ROBO1: variants seen among roughly 807,000 people sequenced by gnomAD.
ROBO1 encodes the protein roundabout homolog 1.
ROBO1 carries 149 observed loss-of-function variants against 195.9 expected under a neutral mutation model. That is an observed-to-expected ratio of 0.76 (90% CI 0.67 to 0.87). The LOEUF is 0.87. ROBO1 is among the 40% of genes least tolerant of loss of function. The probability of loss-of-function intolerance (pLI) is 0.00; values close to 1 mark genes in which losing one functional copy is unlikely to be tolerated. For missense variants in ROBO1, 1,933 were observed against 2,068.3 expected (o/e 0.93, Z 1.27); for synonymous variants, 816 against 733.2 (o/e 1.11, Z -1.82).
intron 3 of ROBO1, among the ~76,000 whole-genome samples, chr3:79,112,293 T>C (rs2079900687): frequency 6.6e-6 from 1 of 152,122 alleles, no homozygotes; most frequent in African/African-American, 2.4e-5. Flanking sequence ...GTCATTCCCT[T>C]GAACAAGGCA....
intron 2 of ROBO1, among the ~76,000 whole-genome samples, chr3:79,336,420 C>T (rs1202289474): frequency 3.9e-5 from 6 of 152,218 alleles, no homozygotes; most frequent in Non-Finnish European, 7.3e-5. Context: ...AAGGCGCCAA[C>T]GTACTGCTCA....
At chr3:79,085,013 G>A (rs1422691322) in intron 3 of ROBO1, among the ~76,000 whole-genome samples, 1 of 152,072 alleles carries the variant, frequency 6.6e-6, no homozygotes, top group Non-Finnish European at 1.5e-5. Flanking sequence ...AGCAATATTA[G>A]TTACTAACAT....
At chr3:79,161,545 T>C (rs1464211964) in intron 2 of ROBO1, among the ~76,000 whole-genome samples, 1 of 152,004 alleles carries the variant, frequency 6.6e-6, no homozygotes, top group Non-Finnish European at 1.5e-5. Context: ...AAAAAAGAAA[T>C]GTCATTGAAA....
chr3:79,066,669 C>T (rs2079007833), intron 3 of ROBO1, among the ~76,000 whole-genome samples: 1 of 151,866 alleles, frequency 6.6e-6, no homozygotes. Context: ...TTCCCGCTTA[C>T]CATTCTTTCT....
rs532248969 is a variant in ROBO1 at position 79,491,660 on chromosome 3, C to T, written c.88+98164G>A. ...AAAGAATTCTGTAGCTGCATTTATT[C>T]GGGCCATCCTTAGAGTAGTACATTT... On this transcript the variant is annotated intron_variant, in intron 2 of 30. Coordinates refer to ENST00000464233, the MANE Select transcript of ROBO1 (RefSeq NM_002941.4). 3.9e-5 allele frequency among the ~76,000 whole-genome samples: 6 copies of T among 152,182 alleles called. No individual in the cohort carries two copies. The South Asian group carries it at 1.2e-3, about 32-fold the overall frequency.
rs569368412 is a variant in ROBO1 at position 78,741,982 on chromosome 3, G to T, written c.657+4761C>A. Among the ~76,000 whole-genome samples the T allele has an allele frequency of 6.6e-5, 10 of 152,092 alleles. No individual in the cohort carries two copies. In the South Asian group the frequency reaches 2.1e-3, roughly 32 times the overall value. On this transcript the variant is annotated intron_variant, in intron 5 of 30. Transcript: ENST00000464233. ...ATATTCCTGGTTTATAATCATCCAG[G>T]ATCTAAAATTTGGCTCAGAATCCAG...
At chr3:79,423,464 T>C (rs2038315053) in intron 2 of ROBO1, among the ~76,000 whole-genome samples, 1 of 152,134 alleles carries the variant, frequency 6.6e-6, no homozygotes, top group African/African-American at 2.4e-5. Flanking sequence ...GCGACAGCTT[T>C]ATGGTGTTAT....
At chr3:79,251,311 C>T (rs1005990043) in intron 2 of ROBO1, among the ~76,000 whole-genome samples, 5 of 152,112 alleles carry the variant, frequency 3.3e-5, no homozygotes, top group Non-Finnish European at 5.9e-5. Context: ...GTCTTATTTG[C>T]TTGCATGCAG....
At chr3:79,308,791 G>A (rs2033343651) in intron 2 of ROBO1, among the ~76,000 whole-genome samples, 1 of 152,084 alleles carries the variant, frequency 6.6e-6, no homozygotes, top group South Asian at 2.1e-4. Context: ...AAATTGATAA[G>A]ATGGTAAAAA....
intron 2 of ROBO1, among the ~76,000 whole-genome samples, chr3:79,152,007 T>C (rs1160926072): frequency 6.6e-6 from 1 of 151,776 alleles, no homozygotes; most frequent in African/African-American, 2.4e-5. Context: ...TGAACTCACG[T>C]TGTACATTTA....
At chr3:79,572,635 T>C (rs1051169971) in intron 2 of ROBO1, among the ~76,000 whole-genome samples, 1 of 152,138 alleles carries the variant, frequency 6.6e-6, no homozygotes, top group Non-Finnish European at 1.5e-5. Flanking sequence ...AACTATTTTA[T>C]GACATATGTA....
chr3:78,651,656 G>T, intron 19 of ROBO1, 76 bp downstream of exon 19: 2 of 1,210,620 alleles, frequency 1.7e-6, no homozygotes, highest in Non-Finnish European at 2.2e-6. Flanking sequence ...GCATAATCAT[G>T]AATAATTTGG....
intron 3 of ROBO1, among the ~76,000 whole-genome samples, chr3:79,067,314 A>C (rs1444084976): frequency 6.6e-6 from 1 of 152,034 alleles, no homozygotes; most frequent in Non-Finnish European, 1.5e-5. Context: ...AGTCAAGTGA[A>C]GTTAATATGG....
intron 2 of ROBO1, among the ~76,000 whole-genome samples, chr3:79,295,291 C>A (rs1389416538): frequency 6.6e-6 from 1 of 152,082 alleles, no homozygotes; most frequent in Non-Finnish European, 1.5e-5. Context: ...GAGTTCATGT[C>A]CTTTACAGGG....
chr3:78,842,218 G>T (rs2033267068), intron 4 of ROBO1, among the ~76,000 whole-genome samples: 1 of 81,526 alleles, frequency 1.2e-5, no homozygotes, highest in Admixed American at 1.9e-4. Context: ...TTATATATAT[G>T]AGCCATATAT....
At chr3:79,174,163 G>C (rs1054932401) in intron 2 of ROBO1, among the ~76,000 whole-genome samples, 6 of 151,962 alleles carry the variant, frequency 3.9e-5, no homozygotes, top group African/African-American at 1.2e-4. Context: ...TTGTTCTTTC[G>C]CTCTTTGCAA....
intron 2 of ROBO1, among the ~76,000 whole-genome samples, chr3:79,152,971 C>G (rs1016602227): frequency 2.0e-5 from 3 of 151,524 alleles, no homozygotes; most frequent in African/African-American, 7.3e-5. Context: ...TTTTGAAAAG[C>G]GAAAGAGGTT....
At chr3:78,793,701 A>G (rs765489114) in intron 4 of ROBO1, among the ~76,000 whole-genome samples, 6 of 152,150 alleles carry the variant, frequency 3.9e-5, no homozygotes, top group Non-Finnish European at 7.4e-5. Flanking sequence ...GATATGCTAA[A>G]TTTTAGATTG....
chr3:78,926,533 T>C (rs765872492), intron 4 of ROBO1, among the ~76,000 whole-genome samples: 17 of 152,084 alleles, frequency 1.1e-4, no homozygotes, highest in Non-Finnish European at 1.9e-4. Flanking sequence ...ATGGCATCAT[T>C]ATCATCGTTA....
Sources: allele counts gnomAD v4.1 joint callset (sites outside exome capture counted in the v4.1 genomes callset), GRCh38; gene constraint gnomAD v4.1.1; transcripts MANE v1.5; gene names NCBI Gene and HGNC (gene_info 2026-07-23, HGNC 2026-07-21).